Variants in FRMPD4 observed in about 807,000 individuals in gnomAD.
FRMPD4 encodes FERM and PDZ domain containing 4.
FRMPD4 carries 22 observed loss-of-function variants against 94.1 expected under a neutral mutation model. The observed-to-expected ratio is 0.23, with a 90% confidence interval of 0.17 to 0.33. The LOEUF (loss-of-function observed/expected upper bound fraction) is 0.33, where lower values mean the gene tolerates loss of function less well. Ranked by LOEUF, FRMPD4 falls within the 10% of genes least tolerant of loss-of-function variation. The pLI is 1.00. For missense variants in FRMPD4, 1,111 were observed against 1,339.9 expected (o/e 0.83, Z 2.67); for synonymous variants, 631 against 548.6 (o/e 1.15, Z -2.10).
intron 3 of FRMPD4, among the ~76,000 whole-genome samples, chrX:12,011,535 T>C (rs541496425): frequency 8.0e-5 from 9 of 112,404 alleles, no homozygotes; most frequent in African/African-American, 2.9e-4. Context: ...GAAATTTCTA[T>C]TGGACCATGC....
At chrX:11,880,068 T>C (rs1601819388) in intron 3 of FRMPD4, among the ~76,000 whole-genome samples, 1 of 112,163 alleles carries the variant, frequency 8.9e-6, no homozygotes, top group South Asian at 3.7e-4. Context: ...TGAGATTGTT[T>C]TTGTTGTTTT....
chrX:11,839,914 T>A (rs1458824515), intron 1 of FRMPD4, among the ~76,000 whole-genome samples: 3 of 111,713 alleles, frequency 2.7e-5, no homozygotes, highest in African/African-American at 9.7e-5. Flanking sequence ...TTATTTCTGG[T>A]CTCTCAATTC....
intron 3 of FRMPD4, among the ~76,000 whole-genome samples, chrX:11,890,274 G>T (rs950459361): frequency 8.9e-6 from 1 of 112,315 alleles, no homozygotes; most frequent in Non-Finnish European, 1.9e-5. Flanking sequence ...GCTGTCCTTA[G>T]ACCAGCACCA....
chrX:12,541,193 A>G (rs1226934483), intron 2 of FRMPD4, among the ~76,000 whole-genome samples: 1 of 111,855 alleles, frequency 8.9e-6, no homozygotes, highest in Non-Finnish European at 1.9e-5. Context: ...GAGAAGCAAG[A>G]GCAAACACAT....
intron 1 of FRMPD4, among the ~76,000 whole-genome samples, chrX:12,485,127 G>T (rs992069028): frequency 3.6e-5 from 4 of 112,554 alleles, no homozygotes; most frequent in African/African-American, 1.3e-4. Flanking sequence ...CTGATGTGGA[G>T]AGTGGAGGGA....
intron 2 of FRMPD4, among the ~76,000 whole-genome samples, chrX:12,562,656 C>T (rs146651777): frequency 4.4e-5 from 5 of 112,480 alleles, no homozygotes; most frequent in African/African-American, 6.5e-5. Context: ...CTCACATAAA[C>T]GCACACTCAG....
At chrX:12,218,267 T>G (rs904223244) in intron 1 of FRMPD4, among the ~76,000 whole-genome samples, 4 of 112,204 alleles carry the variant, frequency 3.6e-5, no homozygotes, top group African/African-American at 1.3e-4. Flanking sequence ...TATGAAAAGA[T>G]TTCCAGTGAC....
intron 1 of FRMPD4, among the ~76,000 whole-genome samples, chrX:11,842,346 C>T (rs1383335896): frequency 1.0e-5 from 1 of 99,453 alleles, no homozygotes; most frequent in Non-Finnish European, 2.0e-5. Flanking sequence ...GGCAGTATGG[C>T]CATTTTCACG....
intron 3 of FRMPD4, among the ~76,000 whole-genome samples, chrX:11,893,806 G>A (rs1415985738): frequency 9.0e-6 from 1 of 111,311 alleles, no homozygotes; most frequent in Non-Finnish European, 1.9e-5. Flanking sequence ...TTTCCAGTTA[G>A]GGCAGGCTAA....
chrX:12,254,289 A>G (rs772208972), intron 1 of FRMPD4, among the ~76,000 whole-genome samples: 1 of 112,645 alleles, frequency 8.9e-6, no homozygotes, highest in African/African-American at 3.2e-5. Context: ...AGCAACAGAC[A>G]GACTTGGGAA....
chrX:12,507,656 A>C (rs1350519677), intron 2 of FRMPD4, among the ~76,000 whole-genome samples: 1 of 112,025 alleles, frequency 8.9e-6, no homozygotes, highest in African/African-American at 3.2e-5. Flanking sequence ...GGTTGCAGGG[A>C]GCTAAAAATG....
intron 13 of FRMPD4, 54 bp downstream of exon 13, chrX:12,707,705 T>A (rs2041905327): frequency 1.4e-5 from 13 of 948,354 alleles, no homozygotes; most frequent in South Asian, 8.8e-5. Context: ...TAATTTCTGA[T>A]AACACTGCAG....
At chrX:12,503,113 C>T (rs910606218) in intron 2 of FRMPD4, among the ~76,000 whole-genome samples, 3 of 111,589 alleles carry the variant, frequency 2.7e-5, no homozygotes, top group East Asian at 2.8e-4. Context: ...TTGTAAATTA[C>T]AGGAAAAAAT....
intron 3 of FRMPD4, among the ~76,000 whole-genome samples, chrX:12,002,873 C>T (rs751700489): frequency 5.4e-5 from 6 of 111,491 alleles, no homozygotes; most frequent in Non-Finnish European, 9.4e-5. Flanking sequence ...TTAATATATA[C>T]TTACTAACAC....
chrX:12,208,270 T>C (rs5933970), intron 1 of FRMPD4, among the ~76,000 whole-genome samples: 1,699 of 108,696 alleles, frequency 0.016, 16 homozygotes, highest in Non-Finnish European at 0.022. Context: ...TAACCTATAA[T>C]CAAGTAGAAA....
At chrX:12,059,151 C>T (rs1345150803) in intron 3 of FRMPD4, among the ~76,000 whole-genome samples, 1 of 111,721 alleles carries the variant, frequency 9.0e-6, no homozygotes, top group Non-Finnish European at 1.9e-5. Flanking sequence ...GAAGAACGTA[C>T]ATTCTCTGTT....
At chrX:12,034,233 G>A (rs757057978) in intron 3 of FRMPD4, among the ~76,000 whole-genome samples, 3 of 112,208 alleles carry the variant, frequency 2.7e-5, no homozygotes, top group South Asian at 7.5e-4. Flanking sequence ...TCCTGGAGAC[G>A]GGGTAAGAAT....
chrX:12,319,448 C>CCA (rs2055174844), intron 1 of FRMPD4, among the ~76,000 whole-genome samples: 1 of 112,072 alleles, frequency 8.9e-6, no homozygotes, highest in Non-Finnish European at 1.9e-5. Flanking sequence ...TGTTTAAAAA[C>CCA]GACCCAGGTG....
chrX:12,689,676 A>T (rs745722787), intron 7 of FRMPD4, among the ~76,000 whole-genome samples: 92 of 112,747 alleles, frequency 8.2e-4, no homozygotes, highest in African/African-American at 2.1e-3. Context: ...AACTCTGCTG[A>T]TGCAGCACAC....
Sources: allele counts gnomAD v4.1 joint callset (sites outside exome capture counted in the v4.1 genomes callset), GRCh38; gene constraint gnomAD v4.1.1; transcripts MANE v1.5; gene names NCBI Gene and HGNC (gene_info 2026-07-23, HGNC 2026-07-21).